SEMA3A: variants seen among roughly 807,000 people sequenced by gnomAD.
The protein encoded by SEMA3A is semaphorin-3A.
Under a neutral mutation model 97.9 loss-of-function variants are expected in SEMA3A, and 29 were observed. That is an observed-to-expected ratio of 0.30 (90% CI 0.22 to 0.40). The LOEUF is 0.40. Among genes scored for constraint, SEMA3A ranks in the 10% least tolerant of loss-of-function variants. SEMA3A has a pLI of 1.00. For missense variants in SEMA3A, 763 were observed against 951.3 expected (o/e 0.80, Z 2.60); for synonymous variants, 321 against 323.7 (o/e 0.99, Z 0.09).
At chr7:84,433,483 A>G (rs990301173) in intron 1 of SEMA3A, among the ~76,000 whole-genome samples, 6 of 152,022 alleles carry the variant, frequency 3.9e-5, no homozygotes, top group African/African-American at 1.5e-4. Context: ...TCATTGATGG[A>G]CATTTGGGTT....
intron 3 of SEMA3A, among the ~76,000 whole-genome samples, chr7:84,220,470 T>G (rs1018933442): frequency 2.0e-5 from 3 of 152,188 alleles, no homozygotes; most frequent in African/African-American, 7.2e-5. Flanking sequence ...ATTTCCAGGT[T>G]TTGGATTTAC....
intron 2 of SEMA3A, among the ~76,000 whole-genome samples, chr7:84,351,327 T>G (rs959946919): frequency 2.0e-5 from 3 of 152,118 alleles, no homozygotes; most frequent in African/African-American, 7.2e-5. Context: ...TGCGTAAGCC[T>G]TTGAAAAACA....
chr7:84,406,491 T>C (rs1484681370), intron 1 of SEMA3A, among the ~76,000 whole-genome samples: 1 of 152,138 alleles, frequency 6.6e-6, no homozygotes, highest in Non-Finnish European at 1.5e-5. Flanking sequence ...CTGGTAGCAT[T>C]CCTTCTGAAA....
intron 1 of SEMA3A, among the ~76,000 whole-genome samples, chr7:84,425,135 A>G (rs1488875899): frequency 9.1e-6 from 1 of 110,016 alleles, no homozygotes; most frequent in Non-Finnish European, 1.7e-5. Context: ...ATTTATATAT[A>G]AATATTATAT....
At chr7:84,434,318 A>C (rs1805067875) in intron 1 of SEMA3A, among the ~76,000 whole-genome samples, 1 of 152,176 alleles carries the variant, frequency 6.6e-6, no homozygotes, top group African/African-American at 2.4e-5. Flanking sequence ...ATCAGGAAGA[A>C]ATTGAAACCC....
At chr7:84,445,829 AG>A (rs1217645624) in intron 1 of SEMA3A, among the ~76,000 whole-genome samples, 2 of 151,818 alleles carry the variant, frequency 1.3e-5, no homozygotes, top group Admixed American at 1.3e-4. Flanking sequence ...ATACAGCAAA[AG>A]GAAGAAAATA....
intron 3 of SEMA3A, among the ~76,000 whole-genome samples, chr7:84,259,810 C>T (rs1431995374): frequency 5.0e-5 from 7 of 138,900 alleles, no homozygotes; most frequent in African/African-American, 1.1e-4. Flanking sequence ...AAACAACACA[C>T]GCACAAAAAA....
In SEMA3A at chr7:84,150,407, G is replaced by A. The variant is rs190551468; in HGVS notation, c.113-15456C>T. 1.5e-3 allele frequency among the ~76,000 whole-genome samples: 231 copies of A among 152,328 alleles called. 2 individuals are homozygous for A. In the East Asian group the frequency reaches 0.022, roughly 15 times the overall value. On this transcript the variant is annotated intron_variant, in intron 1 of 16. Transcript: ENST00000265362. ...CACACTGTGCGCGAGCCGAAGCAGG[G>A]CGAGGCATTGCCTCACTCGGGAAGC...
intron 12 of SEMA3A, among the ~76,000 whole-genome samples, chr7:84,001,268 T>G (rs1790438188): frequency 6.6e-6 from 1 of 152,062 alleles, no homozygotes; most frequent in African/African-American, 2.4e-5. Flanking sequence ...GTTAGACTAC[T>G]TTAGTTCTCC....
intron 3 of SEMA3A, among the ~76,000 whole-genome samples, chr7:84,261,297 T>C (rs1318257735): frequency 6.6e-6 from 1 of 152,142 alleles, no homozygotes; most frequent in Middle Eastern, 3.2e-3. Flanking sequence ...GCATACCTCA[T>C]TCTTCCTGGA....
intron 12 of SEMA3A, among the ~76,000 whole-genome samples, chr7:83,995,042 GA>G: frequency 6.6e-6 from 1 of 152,156 alleles, no homozygotes; most frequent in Non-Finnish European, 1.5e-5. Context: ...AAGCCCGTCG[GA>G]AAAGTGCAGT....
chr7:84,319,819 C>A (rs1174242429), intron 2 of SEMA3A, among the ~76,000 whole-genome samples: 1 of 152,014 alleles, frequency 6.6e-6, no homozygotes, highest in Non-Finnish European at 1.5e-5. Context: ...AAATGAAAAG[C>A]ACATGTATTG....
chr7:84,036,011 C>T (rs943236335), intron 6 of SEMA3A, among the ~76,000 whole-genome samples: 31 of 152,144 alleles, frequency 2.0e-4, no homozygotes, highest in African/African-American at 6.3e-4. Context: ...CTTCTACACA[C>T]GCTTTCTAAG....
At chr7:84,089,160 G>C (rs189146655) in intron 4 of SEMA3A, among the ~76,000 whole-genome samples, 1 of 152,256 alleles carries the variant, frequency 6.6e-6, no homozygotes, top group East Asian at 1.9e-4. Flanking sequence ...CAGAGGAGTA[G>C]TGCAAAATAC....
At chr7:84,277,699 G>C (rs191566677) in intron 3 of SEMA3A, among the ~76,000 whole-genome samples, 14 of 152,150 alleles carry the variant, frequency 9.2e-5, no homozygotes, top group Admixed American at 2.0e-4. Context: ...TCTGCTTCAG[G>C]GGGGGCCTCA....
intron 1 of SEMA3A, among the ~76,000 whole-genome samples, chr7:84,390,474 A>C (rs1230809255): frequency 6.6e-6 from 1 of 151,842 alleles, no homozygotes; most frequent in Non-Finnish European, 1.5e-5. Flanking sequence ...ATTTGTGAGA[A>C]CATTATCTAG....
In SEMA3A at chr7:84,005,606, A is replaced by G. The variant is rs748779575; in HGVS notation, c.1141-48T>C. 3 of 1,236,682 alleles carry G rather than the reference A, an allele frequency of 2.4e-6. 1 individual carries two copies. The South Asian group carries it at 4.0e-5, about 17-fold the overall frequency. 76.6% of individuals were successfully genotyped at this position (1,236,682 alleles called of 1,614,324 possible). The stretch of plus-strand genomic sequence containing the variant: ...ATCTTTTGATTAAAATCTAATAAAC[A>G]TAATTATAAATTATATAATAACACA... On this transcript the variant is annotated intron_variant, in intron 10 of 16. Transcript: ENST00000265362.
chr7:84,363,832 C>G (rs1802782538), intron 2 of SEMA3A, among the ~76,000 whole-genome samples: 1 of 151,830 alleles, frequency 6.6e-6, no homozygotes. Context: ...TTCAGGGGCT[C>G]TGCAAGGTCA....
At chr7:84,209,785 T>C (rs1469495622) in intron 3 of SEMA3A, among the ~76,000 whole-genome samples, 4 of 152,150 alleles carry the variant, frequency 2.6e-5, no homozygotes, top group African/African-American at 9.7e-5. Context: ...TAACAACATA[T>C]AAATTTATTA....
Sources: allele counts gnomAD v4.1 joint callset (sites outside exome capture counted in the v4.1 genomes callset), GRCh38; gene constraint gnomAD v4.1.1; transcripts MANE v1.5; gene names NCBI Gene and HGNC (gene_info 2026-07-23, HGNC 2026-07-21).